STXBP5L: variants seen among roughly 807,000 people sequenced by gnomAD.
STXBP5L encodes the protein syntaxin-binding protein 5-like.
A neutral mutation model predicts 144.5 loss-of-function variants in STXBP5L; 65 were observed. That is an observed-to-expected ratio of 0.45 (90% confidence interval 0.37 to 0.55). The LOEUF (loss-of-function observed/expected upper bound fraction) is 0.55. Among genes scored for constraint, STXBP5L ranks in the 20% least tolerant of loss-of-function variants. STXBP5L has a pLI of 0.00. For synonymous variants in STXBP5L, 505 were observed against 469.6 expected, an observed-to-expected ratio of 1.08 and a Z score of -0.97; for missense variants, 1,298 against 1,405.5, an observed-to-expected ratio of 0.92 and a Z score of 1.22.
intron 5 of STXBP5L, among the ~76,000 whole-genome samples, chr3:121,052,498 A>G (rs889924200): frequency 2.6e-5 from 4 of 152,214 alleles, no homozygotes; most frequent in African/African-American, 9.6e-5. Context: ...CAAAAACCAC[A>G]TGATTATCTC....
chr3:121,393,820 G>T (rs924193453), intron 22 of STXBP5L, among the ~76,000 whole-genome samples: 1 of 151,956 alleles, frequency 6.6e-6, no homozygotes, highest in Non-Finnish European at 1.5e-5. Context: ...CTGCTGTTTT[G>T]GTTATTATAG....
intron 2 of STXBP5L, among the ~76,000 whole-genome samples, chr3:120,948,923 C>T (rs749902733): frequency 2.6e-5 from 4 of 151,664 alleles, no homozygotes; most frequent in Admixed American, 6.6e-5. Context: ...AGTAGATATC[C>T]AATGGTGGGA....
At chr3:121,348,182 G>T (rs1301215499) in intron 20 of STXBP5L, among the ~76,000 whole-genome samples, 2 of 152,032 alleles carry the variant, frequency 1.3e-5, no homozygotes, top group Non-Finnish European at 2.9e-5. Context: ...GTTGAATTTT[G>T]TCAAAGGCCT....
At chr3:121,078,341 G>C (rs540160652) in intron 5 of STXBP5L, among the ~76,000 whole-genome samples, 1 of 152,116 alleles carries the variant, frequency 6.6e-6, no homozygotes, top group Non-Finnish European at 1.5e-5. Flanking sequence ...GCTAGACACA[G>C]GGTGCTGATT....
chr3:121,400,026 C>CA (rs1560057691), intron 22 of STXBP5L, among the ~76,000 whole-genome samples: 1 of 152,234 alleles, frequency 6.6e-6, no homozygotes, highest in African/African-American at 2.4e-5. Context: ...GCTGAGTCTA[C>CA]AAAAATGAAA....
intron 19 of STXBP5L, among the ~76,000 whole-genome samples, chr3:121,306,723 A>T (rs2043348913): frequency 6.6e-6 from 1 of 152,194 alleles, no homozygotes; most frequent in Non-Finnish European, 1.5e-5. Context: ...GCAACAGACT[A>T]GACCAGTGAG....
intron 3 of STXBP5L, among the ~76,000 whole-genome samples, chr3:120,999,734 C>T (rs1213052807): frequency 6.6e-6 from 1 of 152,036 alleles, no homozygotes; most frequent in East Asian, 1.9e-4. Flanking sequence ...TCAGGATTAG[C>T]ACTTCCTTAA....
chr3:121,065,059 C>T (rs2041476354), intron 5 of STXBP5L, among the ~76,000 whole-genome samples: 1 of 130,276 alleles, frequency 7.7e-6, no homozygotes. Context: ...CTTGTGGCTG[C>T]AAAGGTTGTG....
intron 10 of STXBP5L, among the ~76,000 whole-genome samples, chr3:121,221,890 T>G (rs1044686709): frequency 2.0e-5 from 3 of 151,928 alleles, no homozygotes; most frequent in Non-Finnish European, 4.4e-5. Context: ...AAAAACCCTT[T>G]TTGGTTATAT....
intron 22 of STXBP5L, among the ~76,000 whole-genome samples, chr3:121,391,886 G>C (rs1440066064): frequency 1.3e-5 from 2 of 152,202 alleles, no homozygotes; most frequent in Non-Finnish European, 1.5e-5. Context: ...GAGGCAGTCT[G>C]TCTGTTCTCA....
intron 20 of STXBP5L, among the ~76,000 whole-genome samples, chr3:121,342,938 G>C (rs1472946491): frequency 6.7e-6 from 1 of 150,102 alleles, no homozygotes; most frequent in East Asian, 2.0e-4. Context: ...TTCCACAATG[G>C]TTGAACTAGT....
chr3:121,157,868 A>C (rs1309438575), intron 9 of STXBP5L: 5 of 420,778 alleles, frequency 1.2e-5, no homozygotes, highest in African/African-American at 8.5e-5. Flanking sequence ...GTCCCAACCA[A>C]AAATTGGATA....
At chr3:121,395,349 A>C (rs79569129) in intron 22 of STXBP5L, among the ~76,000 whole-genome samples, 19,243 of 152,242 alleles carry the variant, frequency 0.13, 1,354 homozygotes, top group Middle Eastern at 0.18. Flanking sequence ...AAATGATGAA[A>C]ATTTTTTCAA....
intron 10 of STXBP5L, among the ~76,000 whole-genome samples, chr3:121,217,383 A>T (rs963553416): frequency 1.3e-5 from 2 of 152,176 alleles, no homozygotes; most frequent in African/African-American, 4.8e-5. Context: ...ATGGGCCAGA[A>T]TGCACTGTTC....
chr3:121,378,584 C>G, intron 20 of STXBP5L, 132 bp from the exon 21 acceptor site: 1 of 1,076,102 alleles, frequency 9.3e-7, no homozygotes, highest in South Asian at 2.3e-5. Context: ...AGAACAAGGA[C>G]TTAACTATAT....
intron 19 of STXBP5L, among the ~76,000 whole-genome samples, chr3:121,283,331 A>G (rs2051122931): frequency 6.6e-6 from 1 of 151,912 alleles, no homozygotes; most frequent in South Asian, 2.1e-4. Context: ...AAATCCTTAA[A>G]ATGTTCCTGG....
intron 3 of STXBP5L, among the ~76,000 whole-genome samples, chr3:120,972,795 C>T (rs1027929703): frequency 6.6e-6 from 1 of 151,978 alleles, no homozygotes; most frequent in Non-Finnish European, 1.5e-5. Context: ...TGGATATTAT[C>T]TAATGCTTTT....
chr3:121,400,148 A>G (rs904659697), intron 22 of STXBP5L, among the ~76,000 whole-genome samples: 4 of 152,200 alleles, frequency 2.6e-5, no homozygotes, highest in South Asian at 4.1e-4. Flanking sequence ...ATGCTTTGTA[A>G]GTAAAGACCA....
chr3:121,029,407 C>G (rs960684239), intron 3 of STXBP5L, among the ~76,000 whole-genome samples: 1 of 151,982 alleles, frequency 6.6e-6, no homozygotes, highest in Non-Finnish European at 1.5e-5. Context: ...CTTTGACAAA[C>G]CTGACAAAAA....
Sources: gnomAD v4.1 joint callset for allele counts (sites outside exome capture counted in the v4.1 genomes callset) on GRCh38, gnomAD v4.1.1 for gene constraint, MANE v1.5 for transcripts, NCBI Gene and HGNC (gene_info 2026-07-23, HGNC 2026-07-21) for gene names.